SYNDIG1L: variants seen among roughly 807,000 people sequenced by gnomAD.
SYNDIG1L encodes the protein synapse differentiation-inducing gene protein 1-like.
Under a neutral mutation model 20.1 loss-of-function variants are expected in SYNDIG1L, and 13 were observed. The observed-to-expected ratio is 0.65, with a 90% CI of 0.42 to 1.03. The LOEUF is 1.03. SYNDIG1L is among the 50% of genes least tolerant of loss of function. The pLI is 0.00. For missense variants in SYNDIG1L, 294 were observed against 305.1 expected (o/e 0.96, Z 0.27); for synonymous variants, 128 against 129.3 (o/e 0.99, Z 0.07).
At chr14:74,458,455 TA>T in the SYNDIG1L span, among the ~76,000 whole-genome samples, 1 of 149,924 alleles carries the variant, frequency 6.7e-6, no homozygotes, top group Non-Finnish European at 1.5e-5. Flanking sequence ...CTGTGTCTAC[TA>T]AAAAAAAATA....
chr14:74,476,943 C>T, the SYNDIG1L span, among the ~76,000 whole-genome samples: 2 of 152,008 alleles, frequency 1.3e-5, no homozygotes, highest in Non-Finnish European at 2.9e-5. Context: ...CAAAATGACT[C>T]AAATCCTTCA....
intron 1 of SYNDIG1L, among the ~76,000 whole-genome samples, chr14:74,419,838 G>GA (rs1351897481): frequency 6.6e-6 from 1 of 152,172 alleles, no homozygotes; most frequent in African/African-American, 2.4e-5. Context: ...GGCATTTCCA[G>GA]AAGAGGTTAT....
intron 2 of SYNDIG1L, 127 bp from the exon 3 acceptor site, chr14:74,408,116 G>T: frequency 3.4e-6 from 4 of 1,184,600 alleles, no homozygotes; most frequent in Non-Finnish European, 2.3e-6. Flanking sequence ...CTCTTCTGCC[G>T]CAGGTGGGGA....
At chr14:74,420,447 G>A (rs527597850) in intron 1 of SYNDIG1L, among the ~76,000 whole-genome samples, 1 of 151,446 alleles carries the variant, frequency 6.6e-6, no homozygotes, top group Admixed American at 6.6e-5. Flanking sequence ...ACTGATCTGT[G>A]GCAGAATTGA....
intron 1 of SYNDIG1L, among the ~76,000 whole-genome samples, chr14:74,416,994 C>T (rs2086181175): frequency 6.6e-6 from 1 of 152,208 alleles, no homozygotes; most frequent in African/African-American, 2.4e-5. Flanking sequence ...GTCAGAATCA[C>T]GGTACCCTAA....
chr14:74,411,390 A>G (rs371402542), intron 1 of SYNDIG1L, among the ~76,000 whole-genome samples: 51 of 152,228 alleles, frequency 3.4e-4, no homozygotes, highest in African/African-American at 1.2e-3. Flanking sequence ...ACTTGGGGCC[A>G]TGTCTGGCCT....
chr14:74,413,952 G>A (rs551518863), intron 1 of SYNDIG1L, among the ~76,000 whole-genome samples: 29 of 152,214 alleles, frequency 1.9e-4, no homozygotes, highest in Admixed American at 2.6e-4. Context: ...GTTCGCGGAC[G>A]TGATCCTGGA....
the SYNDIG1L span, among the ~76,000 whole-genome samples, chr14:74,452,129 T>A: frequency 2.0e-5 from 3 of 152,078 alleles, no homozygotes; most frequent in Non-Finnish European, 4.4e-5. Flanking sequence ...GAAAAGATAC[T>A]TAACATCATT....
chr14:74,462,343 G>A, the SYNDIG1L span, among the ~76,000 whole-genome samples: 1,544 of 151,772 alleles, frequency 0.01, 38 homozygotes, highest in African/African-American at 0.036. Flanking sequence ...AATTAGCCAG[G>A]TGTGGTGGTG....
At chr14:74,433,715 T>C in the SYNDIG1L span, among the ~76,000 whole-genome samples, 7 of 152,072 alleles carry the variant, frequency 4.6e-5, no homozygotes, top group Admixed American at 1.3e-4. Context: ...CCCCACAAGG[T>C]AGGTACCATT....
upstream of SYNDIG1L, among the ~76,000 whole-genome samples, chr14:74,428,165 C>T (rs754222562): frequency 1.3e-5 from 2 of 152,226 alleles, no homozygotes; most frequent in Non-Finnish European, 2.9e-5. Flanking sequence ...CTTAGGCAGT[C>T]GCCTAATCTT....
At chr14:74,456,332 C>A in the SYNDIG1L span, among the ~76,000 whole-genome samples, 2 of 152,144 alleles carry the variant, frequency 1.3e-5, no homozygotes, top group Admixed American at 6.5e-5. Flanking sequence ...GAGTTTGAGA[C>A]CAGCCTGACT....
At chr14:74,432,631 G>A in the SYNDIG1L span, among the ~76,000 whole-genome samples, 1 of 152,198 alleles carries the variant, frequency 6.6e-6, no homozygotes, top group African/African-American at 2.4e-5. Flanking sequence ...CAAGGCAGGT[G>A]GATTGCTTGA....
the SYNDIG1L span, among the ~76,000 whole-genome samples, chr14:74,471,753 C>A: frequency 6.6e-6 from 1 of 152,130 alleles, no homozygotes; most frequent in East Asian, 1.9e-4. Flanking sequence ...GTGGGTGGTA[C>A]AAAAATGAGC....
At chr14:74,471,325 T>A in the SYNDIG1L span, among the ~76,000 whole-genome samples, 1 of 152,176 alleles carries the variant, frequency 6.6e-6, no homozygotes, top group Non-Finnish European at 1.5e-5. Context: ...AGGCCAGGCA[T>A]GGTGGCTTAT....
chr14:74,475,237 A>G, the SYNDIG1L span, among the ~76,000 whole-genome samples: 2 of 151,272 alleles, frequency 1.3e-5, no homozygotes, highest in African/African-American at 4.9e-5. Flanking sequence ...AATACTAACG[A>G]CCTTTCTCAG....
chr14:74,436,093 A>C, the SYNDIG1L span, among the ~76,000 whole-genome samples: 4 of 152,324 alleles, frequency 2.6e-5, no homozygotes, highest in Admixed American at 1.3e-4. Context: ...TGCTCTGGCC[A>C]GCAAAGACGG....
intron 1 of SYNDIG1L, among the ~76,000 whole-genome samples, chr14:74,416,916 A>G (rs1477987047): frequency 2.6e-5 from 4 of 152,162 alleles, no homozygotes; most frequent in Admixed American, 6.5e-5. Flanking sequence ...GAGGCATAGG[A>G]AAGTTGTAGG....
chr14:74,438,670 C>A, the SYNDIG1L span, among the ~76,000 whole-genome samples: 1 of 152,140 alleles, frequency 6.6e-6, no homozygotes, highest in African/African-American at 2.4e-5. Flanking sequence ...TGACCCTGGG[C>A]AATCTTACAT....
Sources: allele counts gnomAD v4.1 joint callset (sites outside exome capture counted in the v4.1 genomes callset), GRCh38; gene constraint gnomAD v4.1.1; transcripts MANE v1.5; gene names NCBI Gene and HGNC (gene_info 2026-07-23, HGNC 2026-07-21).